The following MITF variants were observed in gnomAD, a reference collection of about 807,000 sequenced individuals.
MITF encodes microphthalmia-associated transcription factor.
In MITF, 17 loss-of-function variants were observed where a neutral mutation model predicts 60.5. The observed-to-expected ratio is 0.28, with a 90% CI of 0.19 to 0.42. The LOEUF is 0.42. Ranked by LOEUF, MITF falls within the 10% of genes least tolerant of loss-of-function variation. The pLI, the probability that MITF is intolerant of heterozygous loss-of-function variation, is 1.00. For synonymous variants in MITF, 260 were observed against 248.5 expected (o/e 1.05, Z -0.43); for missense variants, 622 against 683.5 (o/e 0.91, Z 1.00).
At position 69,879,116 on chromosome 3, in the gene MITF, A is replaced by G. The variant is rs377583713; in HGVS notation, c.105-18A>G. ...CATTAGGAAACTAAATGTTGTATGC[A>G]TTTTGGTTTTCCCACAGCAGTTCCG... On this transcript the variant is annotated intron_variant, in intron 1 of 9. Transcript: ENST00000352241. 6.2e-7 allele frequency: 1 copy of G among 1,610,636 alleles called. No homozygotes were observed. The highest frequency in any genetic ancestry group is 8.5e-7 in the Non-Finnish European group (1 of 1,176,920).
In MITF at chr3:69,966,063, C is replaced by CT. The variant is rs201395752; in HGVS notation, c.*824dup. 5.6e-5 allele frequency: 13 copies of CT among 230,768 alleles called. No individual in the cohort carries two copies. The highest frequency in any genetic ancestry group is 6.9e-5 in the Non-Finnish European group (8 of 116,768). The allele number at this position is 230,768 out of a possible 1,614,324, so 14.3% of individuals were successfully genotyped here. On this transcript the variant is annotated 3_prime_UTR_variant, in exon 10 of 10. Coordinates refer to ENST00000352241, the MANE Select transcript of MITF (RefSeq NM_001354604.2). ...TGAGGAGCACTGAAAGTATGTTTTACTTTTTTTTTATTTTATTTTTGCTTT... is the reference window on the plus strand; with the variant it reads ...TGAGGAGCACTGAAAGTATGTTTTACTTTTTTTTTTATTTTATTTTTGCTTT...
chr3:69,806,555 A>G (rs934683489), intron 1 of MITF, among the ~76,000 whole-genome samples: 2 of 152,170 alleles, frequency 1.3e-5, no homozygotes, highest in African/African-American at 2.4e-5. Flanking sequence ...GCATATAATC[A>G]TAAGATTTAT....
chr3:69,827,266 A>G (rs1296788628), intron 1 of MITF, among the ~76,000 whole-genome samples: 1 of 152,196 alleles, frequency 6.6e-6, no homozygotes, highest in Non-Finnish European at 1.5e-5. Context: ...CTTTTCTCCT[A>G]AAGATGTGGA....
chr3:69,839,278 G>A (rs1173527953), intron 1 of MITF, among the ~76,000 whole-genome samples: 1 of 151,016 alleles, frequency 6.6e-6, no homozygotes, highest in East Asian at 1.9e-4. Context: ...AATGAGCTTT[G>A]TAGTGATCTC....
intron 1 of MITF, among the ~76,000 whole-genome samples, chr3:69,751,721 G>A (rs577895012): frequency 6.6e-6 from 1 of 152,152 alleles, no homozygotes; most frequent in Admixed American, 6.5e-5. Context: ...CTATATATGT[G>A]TCTTTGGGCA....
chr3:69,865,037 A>C (rs949524733), intron 1 of MITF, among the ~76,000 whole-genome samples: 1 of 152,214 alleles, frequency 6.6e-6, no homozygotes, highest in African/African-American at 2.4e-5. Context: ...CCACGAATTT[A>C]CACAATGCCT....
chr3:69,860,203 C>G (rs1486463165), intron 1 of MITF, among the ~76,000 whole-genome samples: 1 of 152,146 alleles, frequency 6.6e-6, no homozygotes, highest in East Asian at 1.9e-4. Flanking sequence ...TTGAGATGAA[C>G]ACTGAGAGAA....
chr3:69,776,548 G>A (rs2106857783), intron 1 of MITF, among the ~76,000 whole-genome samples: 1 of 152,298 alleles, frequency 6.6e-6, no homozygotes, highest in East Asian at 1.9e-4. Context: ...TGTGTCAAGT[G>A]TTGATAACAA....
intron 1 of MITF, among the ~76,000 whole-genome samples, chr3:69,782,619 G>A (rs1321096966): frequency 2.6e-5 from 4 of 152,132 alleles, no homozygotes; most frequent in Non-Finnish European, 5.9e-5. Context: ...TGTTTTTAGG[G>A]CAATGTTTGC....
In MITF at chr3:69,796,460, ACAG is replaced by A. The variant is rs939647783; in HGVS notation, c.104+56763_104+56765del. Among the ~76,000 whole-genome samples, 23 of 149,814 alleles carry A rather than the reference ACAG, an allele frequency of 1.5e-4. 1 individual carries two copies. Among genetic ancestry groups the A allele is most frequent in the Non-Finnish European group, 2.2e-4 (15 of 67,372 alleles). On this transcript the variant is annotated intron_variant, in intron 1 of 9. Transcript: ENST00000352241. ...AAAACATTTAAAGCTGCTTGAATGC[ACAG>A]CAGTTTGTGAAGCTTACAAACACCG...
At chr3:69,961,201 G>A (rs2066534512) in intron 9 of MITF, among the ~76,000 whole-genome samples, 1 of 151,898 alleles carries the variant, frequency 6.6e-6, no homozygotes, top group East Asian at 1.9e-4. Context: ...TGGCCAAGAT[G>A]TTGAAGCCCC....
chr3:69,808,563 G>A (rs528022209), intron 1 of MITF, among the ~76,000 whole-genome samples: 2 of 152,198 alleles, frequency 1.3e-5, no homozygotes, highest in East Asian at 1.9e-4. Flanking sequence ...CCCTAGGGAG[G>A]TAAAGTGTTT....
chr3:69,811,406 A>G (rs1464607961), intron 1 of MITF, among the ~76,000 whole-genome samples: 3 of 152,214 alleles, frequency 2.0e-5, no homozygotes, highest in Non-Finnish European at 2.9e-5. Context: ...TGACTGCCAC[A>G]GTGCATCTCT....
At chr3:69,778,761 T>A (rs1200632674) in intron 1 of MITF, 2 of 152,222 alleles carry the variant, frequency 1.3e-5, no homozygotes, top group Non-Finnish European at 2.9e-5. Context: ...GTATGTTAAA[T>A]ACATTTTTCC....
chr3:69,744,113 A>C (rs1439030045), intron 1 of MITF, among the ~76,000 whole-genome samples: 1 of 152,244 alleles, frequency 6.6e-6, no homozygotes, highest in African/African-American at 2.4e-5. Context: ...GCTGATTCAC[A>C]AAGGTGTGTG....
intron 2 of MITF, among the ~76,000 whole-genome samples, chr3:69,925,951 G>A (rs1049233086): frequency 2.0e-5 from 3 of 151,988 alleles, no homozygotes; most frequent in African/African-American, 7.3e-5. Context: ...CTCTGTGTTT[G>A]TCTCTGCTTC....
chr3:69,961,608 C>T (rs2066550153), intron 9 of MITF, among the ~76,000 whole-genome samples: 1 of 151,518 alleles, frequency 6.6e-6, no homozygotes, highest in Middle Eastern at 3.4e-3. Flanking sequence ...GTGGTGGATG[C>T]CTATAATCCC....
rs140324464 is a variant in MITF, at chr3:69,845,899, A to C, written c.105-33235A>C. Among the ~76,000 whole-genome samples the C allele has an allele frequency of 1.0e-3, 154 of 152,276 alleles. 4 individuals are homozygous for C. The East Asian group carries it at 0.016, about 16-fold the overall frequency. On this transcript the variant is annotated intron_variant, in intron 1 of 9. Transcript: ENST00000352241. ...AGGAGTGTCATGGCTCTGTGTGTGCATGTGTAGGTAAAAAGAACACTAGGT... is the reference window on the plus strand; with the variant it reads ...AGGAGTGTCATGGCTCTGTGTGTGCCTGTGTAGGTAAAAAGAACACTAGGT...
intron 1 of MITF, among the ~76,000 whole-genome samples, chr3:69,835,342 G>T (rs1221219417): frequency 6.6e-6 from 1 of 152,002 alleles, no homozygotes; most frequent in East Asian, 1.9e-4. Flanking sequence ...TGGTTGGTTG[G>T]TTGCTGTTAA....
Sources: allele counts gnomAD v4.1 joint callset (sites outside exome capture counted in the v4.1 genomes callset), GRCh38; gene constraint gnomAD v4.1.1; transcripts MANE v1.5; gene names NCBI Gene and HGNC (gene_info 2026-07-23, HGNC 2026-07-21).